DHX57: variants seen among roughly 807,000 people sequenced by gnomAD.
DHX57 encodes the protein putative ATP-dependent RNA helicase DHX57.
DHX57 carries 105 observed loss-of-function variants against 156.2 expected under a neutral mutation model. The observed-to-expected ratio is 0.67, with a 90% CI of 0.57 to 0.79. DHX57 has a LOEUF of 0.79. DHX57 is among the 30% of genes least tolerant of loss of function. The pLI is 0.00. For synonymous variants in DHX57, 704 were observed against 595.6 expected (o/e 1.18, Z -2.65); for missense variants, 1,847 against 1,661.9 (o/e 1.11, Z -1.94).
intron 12 of DHX57, among the ~76,000 whole-genome samples, chr2:38,841,513 T>C (rs1671999470): frequency 6.6e-6 from 1 of 152,242 alleles, no homozygotes; most frequent in Non-Finnish European, 1.5e-5. Context: ...ATGGCTAATA[T>C]CTTAATTCCT....
chr2:38,856,670 T>G (rs3099998), intron 6 of DHX57: 114,208 of 437,940 alleles, frequency 0.26, 16,128 homozygotes, highest in Admixed American at 0.3. Context: ...TACCCGGCTT[T>G]TTGTATTTTT....
Position 38,862,265 on chromosome 2 carries a change from G to A in DHX57, c.452C>T (p.Ala151Val). ...DCCNDERYWP[A>V]GQEPSLVPDL... is the part of the protein sequence containing the mutation. Reference sequence around the variant, plus strand: ...GGGAACGAGGGAAGGTTCCTGTCCAGCTGGCCAGTACCGCTCATCGTTACA... The same window carrying A: ...GGGAACGAGGGAAGGTTCCTGTCCAACTGGCCAGTACCGCTCATCGTTACA... Residue 151 changes from alanine (A) to valine (V), a missense_variant, in exon 4 of 24, where the codon GCT becomes GTT. Coordinates refer to ENST00000457308, the MANE Select transcript of DHX57 (RefSeq NM_198963.3). 1 of 1,613,794 alleles carries A rather than the reference G, an allele frequency of 6.2e-7. No homozygotes were observed. Among genetic ancestry groups the A allele is most frequent in the African/African-American group, 1.3e-5 (1 of 75,036 alleles).
intron 10 of DHX57, 47 bp from the exon 11 acceptor site, chr2:38,847,120 A>G: frequency 1.4e-6 from 2 of 1,436,394 alleles, no homozygotes; most frequent in South Asian, 1.2e-5. Flanking sequence ...ACACCCATTC[A>G]ACCATCTTGA....
chr2:38,818,310 A>G (rs1259815041), intron 19 of DHX57, among the ~76,000 whole-genome samples: 1 of 152,182 alleles, frequency 6.6e-6, no homozygotes, highest in African/African-American at 2.4e-5. Context: ...GCGGATCATG[A>G]GGTCAGGAGT....
intron 21 of DHX57, among the ~76,000 whole-genome samples, chr2:38,812,244 C>A (rs1670284996): frequency 4.1e-5 from 6 of 145,594 alleles, no homozygotes; most frequent in Non-Finnish European, 7.6e-5. Flanking sequence ...CCTTTCATAA[C>A]CACACTACAA....
intron 21 of DHX57, among the ~76,000 whole-genome samples, chr2:38,807,448 C>G (rs941427033): frequency 3.3e-5 from 5 of 152,038 alleles, no homozygotes; most frequent in African/African-American, 1.2e-4. Context: ...AGTTCCGCCT[C>G]CCGGGTTCAC....
At chr2:38,872,697 T>G (rs1358856714) in intron 1 of DHX57, among the ~76,000 whole-genome samples, 3 of 152,168 alleles carry the variant, frequency 2.0e-5, no homozygotes, top group East Asian at 3.8e-4. Flanking sequence ...AAAACACATA[T>G]GTACCTAATA....
At chr2:38,836,734 A>G (rs1671680912) in intron 13 of DHX57, among the ~76,000 whole-genome samples, 1 of 148,254 alleles carries the variant, frequency 6.7e-6, no homozygotes, top group Non-Finnish European at 1.5e-5. Flanking sequence ...ACATCATGCC[A>G]CTGCACACTC....
intron 21 of DHX57, chr2:38,811,667 T>C (rs1234739104): frequency 8.7e-7 from 1 of 1,156,048 alleles, no homozygotes; most frequent in Non-Finnish European, 1.3e-6. Context: ...CATCTGGGAT[T>C]GGAGGTGCAA....
chr2:38,825,169 A>G (rs1038334574), intron 16 of DHX57, among the ~76,000 whole-genome samples: 2 of 152,228 alleles, frequency 1.3e-5, no homozygotes, highest in Admixed American at 1.3e-4. Context: ...GCCAATCTAT[A>G]TACACACAAT....
intron 19 of DHX57, among the ~76,000 whole-genome samples, chr2:38,816,442 C>T (rs1670552461): frequency 6.6e-6 from 1 of 152,108 alleles, no homozygotes; most frequent in South Asian, 2.1e-4. Context: ...TCTCGAACTC[C>T]TGATCTCAGG....
In DHX57 at chr2:38,863,930, T is replaced by G. The variant is rs976552287; in HGVS notation, c.225-411A>C. 3.3e-5 allele frequency among the ~76,000 whole-genome samples: 5 copies of G among 152,064 alleles called. No homozygotes were observed. The South Asian group carries it at 8.3e-4, about 25-fold the overall frequency. The stretch of plus-strand genomic sequence containing the variant: ...CAGGAGGCTGAGGCAGGAGAATCAC[T>G]TGAACTTGGAGGTAGAGGTTGCAGT... On this transcript the variant is annotated intron_variant, in intron 2 of 23. Transcript: ENST00000457308.
intron 1 of DHX57, among the ~76,000 whole-genome samples, chr2:38,875,438 C>CA (rs1385821265): frequency 2.0e-5 from 3 of 152,138 alleles, no homozygotes; most frequent in African/African-American, 7.2e-5. Flanking sequence ...CCCTTCTCCC[C>CA]AAAAAAGCCA....
chr2:38,848,251 A>G lies in DHX57; in HGVS notation c.2164+18T>C. The G allele has an allele frequency of 1.9e-6, 3 of 1,568,668 alleles. No individual in the cohort carries two copies. Among genetic ancestry groups the G allele is most frequent in the Middle Eastern group, 1.7e-4 (1 of 5,842 alleles). On this transcript the variant is annotated intron_variant, in intron 10 of 23. Coordinates refer to ENST00000457308, the MANE Select transcript of DHX57 (RefSeq NM_198963.3). ...TGCTTATTAGAATGATACATATTTA[A>G]TGATGCATTTTATTCACCTGGTATA...
At position 38,848,799 on chromosome 2, in the gene DHX57, C is replaced by T. The variant is rs145118379; in HGVS notation, c.2031-397G>A. ...TTGTCTGTGAAATAAAGTTGGTATA[C>T]ATTGAACCATCGGAGAGCAAAGGTG... On this transcript the variant is annotated intron_variant, in intron 9 of 23. Coordinates refer to ENST00000457308, the MANE Select transcript of DHX57 (RefSeq NM_198963.3). Among the ~76,000 whole-genome samples the T allele has an allele frequency of 2.5e-3, 382 of 152,230 alleles. 1 individual carries two copies. The highest frequency in any genetic ancestry group is 0.01 in the Middle Eastern group (3 of 294).
chr2:38,855,779 G>A (rs921686091), intron 7 of DHX57, among the ~76,000 whole-genome samples: 51 of 152,014 alleles, frequency 3.4e-4, no homozygotes, highest in East Asian at 3.9e-4. Flanking sequence ...GAAAAATAAC[G>A]CACCATAATT....
At chr2:38,856,779 CT>C (rs78524199) in intron 6 of DHX57, 5,365 of 157,042 alleles carry the variant, frequency 0.034, 5 homozygotes, top group South Asian at 0.076. Flanking sequence ...GGGATTACAG[CT>C]TTTTTTTTTT....
intron 13 of DHX57, among the ~76,000 whole-genome samples, chr2:38,834,554 A>G (rs962235016): frequency 2.0e-5 from 3 of 152,206 alleles, no homozygotes; most frequent in Admixed American, 6.5e-5. Flanking sequence ...ATTGTATATT[A>G]TAGTAAAAAG....
intron 23 of DHX57, 85 bp from the exon 24 acceptor site, chr2:38,798,527 C>A: frequency 7.0e-7 from 1 of 1,424,748 alleles, no homozygotes; most frequent in Non-Finnish European, 9.4e-7. Context: ...TTATGATTAC[C>A]ATTATTTAGA....
Sources: allele counts gnomAD v4.1 joint callset (sites outside exome capture counted in the v4.1 genomes callset), GRCh38; gene constraint gnomAD v4.1.1; transcripts MANE v1.5; gene names NCBI Gene and HGNC (gene_info 2026-07-23, HGNC 2026-07-21).